Variants in ZNF10 observed in about 807,000 individuals in gnomAD.
The protein encoded by ZNF10 is zinc finger protein 10 (KOX 1).
Under a neutral mutation model 12.2 loss-of-function variants are expected in ZNF10, and 8 were observed. The observed-to-expected ratio is 0.66, with a 90% confidence interval of 0.39 to 1.18. The LOEUF is 1.18. Ranked by LOEUF, ZNF10 falls within the 50% of genes most tolerant of loss-of-function variation. The pLI is 0.01. For missense variants in ZNF10, 603 were observed against 678.9 expected (o/e 0.89, Z 1.24); for synonymous variants, 229 against 228.2 (o/e 1.00, Z -0.03).
chr12:133,136,830 T>A (rs1193954532), intron 1 of ZNF10, among the ~76,000 whole-genome samples: 1 of 152,168 alleles, frequency 6.6e-6, no homozygotes, highest in Non-Finnish European at 1.5e-5. Flanking sequence ...TTGTCCTGTT[T>A]GAGTATATAG....
chr12:133,140,428 C>CTTT (rs59083992), intron 1 of ZNF10, among the ~76,000 whole-genome samples: 4 of 123,438 alleles, frequency 3.2e-5, no homozygotes, highest in South Asian at 2.7e-4. Context: ...CACTAGACGT[C>CTTT]TTTTTTTTTT....
intron 1 of ZNF10, among the ~76,000 whole-genome samples, chr12:133,137,472 T>A (rs1955919142): frequency 6.6e-6 from 1 of 152,206 alleles, no homozygotes; most frequent in Non-Finnish European, 1.5e-5. Flanking sequence ...ACACATAATC[T>A]TCTTAGGCAT....
At chr12:133,131,712 A>C (rs1393145266) in intron 1 of ZNF10, among the ~76,000 whole-genome samples, 1 of 152,208 alleles carries the variant, frequency 6.6e-6, no homozygotes, top group Non-Finnish European at 1.5e-5. Flanking sequence ...GGTAAGTTGC[A>C]CACGCTCCTG....
chr12:133,151,984 C>T, intron 4 of ZNF10, 80 bp downstream of exon 4: 3 of 1,092,342 alleles, frequency 2.7e-6, no homozygotes, highest in Non-Finnish European at 4.1e-6. Context: ...ATAGTGGTCA[C>T]TGGCCCTCCT....
Position 133,156,898 on chromosome 12 carries a change from G to A in ZNF10, c.1652G>A (p.Gly551Glu), listed in dbSNP as rs1956046156. The A allele has an allele frequency of 2.0e-6, 3 of 1,511,558 alleles. No individual in the cohort carries two copies. The highest frequency in any genetic ancestry group is 1.8e-6 in the Non-Finnish European group (2 of 1,131,824). 93.6% of individuals were successfully genotyped at this position (1,511,558 alleles called of 1,614,324 possible). A position where few individuals can be genotyped will look rare whatever the true frequency, so the allele number is the denominator to read the frequency against. Residue 551 changes from glycine (G) to glutamate (E), a missense_variant, in exon 5 of 5, where the codon GGG (glycine) becomes GAG (glutamate). By Grantham distance (98) the Gly-to-Glu change is moderately conservative (BLOSUM62 -2). This residue lies in a region of ZNF10 where 204 missense variants were observed against 262.8 expected (regional missense o/e 0.78). Transcript: ENST00000248211. Reference sequence around the variant, plus strand: ...CAGTTCTTAACATGCAATCAATGTGGGACAGCGCTTGTTAATACCTCTAAC... The same window carrying A: ...CAGTTCTTAACATGCAATCAATGTGAGACAGCGCTTGTTAATACCTCTAAC... ...GEQFLTCNQC[G>E]TALVNTSNLI...
At position 133,156,713 on chromosome 12, in the gene ZNF10, T is replaced by C; in HGVS notation, c.1467T>C (p.Tyr489=). ...GGATACACACTGGAGAGAAACCATA[T>C]GAATGCTGTCAGTGTGGGAAAGCCT... The part of the protein sequence containing the change: ...HQRIHTGEKP[Y]ECCQCGKAFI... The change falls in exon 5 of 5, where the codon TAT becomes TAC. Residue 489 remains tyrosine, a synonymous_variant. Coordinates refer to ENST00000248211, the MANE Select transcript of ZNF10 (RefSeq NM_015394.5). 1 of 1,613,292 alleles carries C rather than the reference T, an allele frequency of 6.2e-7. No individual in the cohort carries two copies. The highest frequency in any genetic ancestry group is 8.5e-7 in the Non-Finnish European group (1 of 1,179,760).
intron 1 of ZNF10, among the ~76,000 whole-genome samples, chr12:133,139,897 CA>C (rs1413711398): frequency 4.0e-5 from 6 of 151,348 alleles, no homozygotes; most frequent in Admixed American, 2.0e-4. Context: ...CCTATCGCTG[CA>C]AAAAAAATTT....
At chr12:133,143,632 TA>T (rs1955958985) in intron 1 of ZNF10, 1 of 152,246 alleles carries the variant, frequency 6.6e-6, no homozygotes, top group East Asian at 1.9e-4. Context: ...GGTAAATATA[TA>T]ATATTTTTCC....
intron 4 of ZNF10, 36 bp downstream of exon 4, chr12:133,151,940 C>A (rs1956010944): frequency 1.3e-6 from 2 of 1,566,206 alleles, no homozygotes; most frequent in East Asian, 4.5e-5. Context: ...AGGCAGCAGC[C>A]CAGATGGGCT....
intron 2 of ZNF10, among the ~76,000 whole-genome samples, chr12:133,147,756 C>A (rs542596059): frequency 2.0e-4 from 30 of 151,348 alleles, no homozygotes; most frequent in African/African-American, 7.3e-4. Context: ...GCTGGGACTA[C>A]AGGTGCATGA....
At position 133,151,873 on chromosome 12, in the gene ZNF10, GGA is replaced by G; in HGVS notation, c.232_233del (p.Glu78AsnfsTer8). ...AGAAGGGAGAAGAGCCCTGGCTGGT[GGA>G]GAGAGAAATTCACCAAGAGACCCAT... is the stretch of plus-strand genomic sequence containing the variant. Reference protein sequence around the residue: ...LEKGEEPWLVEREIHQETHPD... With the variant: ...LEKGEEPWLVXREIHQETHPD... On this transcript the variant is annotated frameshift_variant, in exon 4 of 5. Coordinates refer to ENST00000248211, the MANE Select transcript of ZNF10 (RefSeq NM_015394.5). LOFTEE classifies it low-confidence loss of function (END_TRUNC). 6.2e-7 allele frequency: 1 copy of G among 1,613,494 alleles called. No individual in the cohort carries two copies.
chr12:133,143,994 A>G (rs1345101250), intron 1 of ZNF10: 1 of 152,540 alleles, frequency 6.6e-6, no homozygotes, highest in Admixed American at 6.5e-5. Context: ...TGTTCCTCAC[A>G]CTGCATTCCA....
At chr12:133,144,291 AT>A (rs1955963144) in intron 1 of ZNF10, 142 bp from the exon 2 acceptor site, 1 of 457,984 alleles carries the variant, frequency 2.2e-6, no homozygotes, top group Admixed American at 3.9e-5. Flanking sequence ...GGCACTGTAG[AT>A]TTGCTTATAG....
intron 1 of ZNF10, among the ~76,000 whole-genome samples, chr12:133,142,013 G>T (rs1253073723): frequency 6.6e-6 from 1 of 152,138 alleles, no homozygotes; most frequent in Non-Finnish European, 1.5e-5. Context: ...CATCTAAGAA[G>T]AGTGGAACTA....
intron 1 of ZNF10, among the ~76,000 whole-genome samples, chr12:133,133,888 C>G (rs930995747): frequency 6.6e-6 from 1 of 152,040 alleles, no homozygotes; most frequent in African/African-American, 2.4e-5. Flanking sequence ...GAATATTTTA[C>G]CTTATACTGC....
intron 1 of ZNF10, among the ~76,000 whole-genome samples, chr12:133,142,139 C>T (rs1955948090): frequency 6.6e-6 from 1 of 151,972 alleles, no homozygotes; most frequent in South Asian, 2.1e-4. Context: ...ATGGAAGAAA[C>T]AGGCCGGGCG....
At chr12:133,148,185 A>T (rs1955986661) in intron 2 of ZNF10, among the ~76,000 whole-genome samples, 1 of 152,106 alleles carries the variant, frequency 6.6e-6, no homozygotes. Context: ...CAGTGGTGTG[A>T]TCTGGGCTCA....
intron 3 of ZNF10, 82 bp downstream of exon 3, chr12:133,151,236 A>AGT: frequency 7.3e-7 from 1 of 1,364,204 alleles, no homozygotes; most frequent in Non-Finnish European, 9.8e-7. Flanking sequence ...ATCACACCAG[A>AGT]GTATAGGCTT....
rs564525094 is a variant in ZNF10 at position 133,156,729 on chromosome 12, G to C, written c.1483G>C (p.Gly495Arg). The C allele has an allele frequency of 2.7e-5, 44 of 1,611,422 alleles. No homozygotes were observed. The highest frequency in any genetic ancestry group is 3.7e-5 in the Non-Finnish European group (44 of 1,179,106). The stretch of plus-strand genomic sequence containing the variant: ...GAAACCATATGAATGCTGTCAGTGT[G>C]GGAAAGCCTTCATCCGGAAGAATGA... ...GEKPYECCQC[G>R]KAFIRKNDLI... Residue 495 changes from glycine (G) to arginine (R), a missense_variant, in exon 5 of 5, where the codon GGG becomes CGG. Around this residue, in one of 3 missense-constraint regions of ZNF10, gnomAD observed 204 missense variants for 262.8 expected, o/e 0.78. Coordinates refer to ENST00000248211, the MANE Select transcript of ZNF10 (RefSeq NM_015394.5).
Sources: allele counts gnomAD v4.1 joint callset (sites outside exome capture counted in the v4.1 genomes callset), GRCh38; gene constraint gnomAD v4.1.1; regional missense constraint gnomAD v4.1.1; transcripts MANE v1.5; gene names NCBI Gene and HGNC (gene_info 2026-07-23, HGNC 2026-07-21).